DTNA: variants seen among roughly 807,000 people sequenced by gnomAD.
The protein encoded by DTNA is dystrophin-related protein 3.
A neutral mutation model predicts 100.7 loss-of-function variants in DTNA; 43 were observed. That is an observed-to-expected ratio of 0.43 (90% CI 0.33 to 0.55). The LOEUF (loss-of-function observed/expected upper bound fraction) is 0.55, where lower values mean the gene tolerates loss of function less well. Among genes scored for constraint, DTNA ranks in the 20% least tolerant of loss-of-function variants. The pLI, the probability that DTNA is intolerant of heterozygous loss-of-function variation, is 0.04. For missense variants in DTNA, 798 were observed against 953.9 expected (o/e 0.84, Z 2.15); for synonymous variants, 349 against 347.9 (o/e 1.00, Z -0.04).
chr18:34,705,945 T>G (rs1466417250), upstream of DTNA, among the ~76,000 whole-genome samples: 2 of 152,194 alleles, frequency 1.3e-5, no homozygotes, highest in Non-Finnish European at 2.9e-5. Context: ...ATATTCAAAA[T>G]TATTCTGAAT....
chr18:34,531,087 G>A (rs1029241689), intron 1 of DTNA, among the ~76,000 whole-genome samples: 1 of 152,094 alleles, frequency 6.6e-6, no homozygotes, highest in Non-Finnish European at 1.5e-5. Context: ...CAGTCACTTA[G>A]GTCAAGAGAT....
At chr18:34,703,756 A>T (rs1333792799) in intron 1 of DTNA, among the ~76,000 whole-genome samples, 1 of 152,200 alleles carries the variant, frequency 6.6e-6, no homozygotes, top group Non-Finnish European at 1.5e-5. Context: ...CAATTACTAG[A>T]TGGACCTTTT....
chr18:34,753,739 C>T (rs1053983316), intron 1 of DTNA, among the ~76,000 whole-genome samples: 3 of 152,300 alleles, frequency 2.0e-5, no homozygotes, highest in African/African-American at 7.2e-5. Context: ...TCCAGGAACA[C>T]ATCACTTGTT....
intron 1 of DTNA, among the ~76,000 whole-genome samples, chr18:34,603,133 A>G (rs2147248959): frequency 6.6e-6 from 1 of 152,148 alleles, no homozygotes; most frequent in African/African-American, 2.4e-5. Flanking sequence ...AAGAAGGAAC[A>G]CCTGAGCCCA....
Position 34,877,808 on chromosome 18 carries a change from G to T in DTNA, c.1993G>T (p.Glu665Ter). Residue 665 changes from glutamate to a stop codon, truncating the protein, a stop_gained and splice_region_variant, in exon 19 of 23, where the codon GAG becomes TAG. Coordinates refer to ENST00000444659, the MANE Select transcript of DTNA (RefSeq NM_001386795.1). LOFTEE classifies it high-confidence loss of function. ...MSSLVKELNS[E>*]VGSETESNVD... ...CTCTCTTGTGAAAGAGCTGAATTCTGGTGAGTTCCTGATTCCCTCTCATTT... is the reference window on the plus strand; with the variant it reads ...CTCTCTTGTGAAAGAGCTGAATTCTTGTGAGTTCCTGATTCCCTCTCATTT... The T allele has an allele frequency of 6.2e-7, 1 of 1,613,452 alleles. No homozygotes were observed. The highest frequency in any genetic ancestry group is 8.5e-7 in the Non-Finnish European group (1 of 1,179,536).
Position 34,557,245 on chromosome 18 carries a change from T to C in DTNA, c.-2+63731T>C, listed in dbSNP as rs1398580452. Among the ~76,000 whole-genome samples, 116 of 142,670 alleles carry C rather than the reference T, an allele frequency of 8.1e-4. 1 individual carries two copies. Among genetic ancestry groups the C allele is most frequent in the Non-Finnish European group, 1.2e-3 (79 of 65,242 alleles). The allele number at this position is 142,670 out of a possible 152,430, so 93.6% of individuals were successfully genotyped here. On this transcript the variant is annotated intron_variant, in intron 1 of 19. Transcript: ENST00000283365. ...AGCTCCTTTAAGCACTTCTCTGTAT[T>C]GGTTATTCTAGTTATACATTCTTCT...
chr18:34,698,049 T>G (rs965952328), intron 1 of DTNA, among the ~76,000 whole-genome samples: 1 of 152,204 alleles, frequency 6.6e-6, no homozygotes, highest in Non-Finnish European at 1.5e-5. Context: ...TCATCTGCTT[T>G]TCAATGCTCC....
At chr18:34,614,130 T>A (rs959800501) in intron 1 of DTNA, among the ~76,000 whole-genome samples, 1 of 152,226 alleles carries the variant, frequency 6.6e-6, no homozygotes, top group Middle Eastern at 3.2e-3. Flanking sequence ...ATAAATGGAA[T>A]AACAAAGCTT....
chr18:34,723,604 A>C (rs1286715589), intron 1 of DTNA, among the ~76,000 whole-genome samples: 1 of 152,186 alleles, frequency 6.6e-6, no homozygotes, highest in Middle Eastern at 3.2e-3. Flanking sequence ...ACAACTAAAA[A>C]AAGTAAAAAT....
chr18:34,737,610 C>T (rs55959079), intron 1 of DTNA, among the ~76,000 whole-genome samples: 10,263 of 152,238 alleles, frequency 0.067, 403 homozygotes, highest in Non-Finnish European at 0.082. Context: ...CACTTCCAGC[C>T]CTTCCAGGTC....
At chr18:34,879,446 A>T in intron 19 of DTNA, 105 bp from the exon 20 acceptor site, 1 of 1,116,994 alleles carries the variant, frequency 9.0e-7, no homozygotes, top group Non-Finnish European at 1.3e-6. Flanking sequence ...ATAACTGGTT[A>T]ACATTTTACA....
chr18:34,698,994 C>T (rs1035461768), intron 1 of DTNA, among the ~76,000 whole-genome samples: 1 of 150,634 alleles, frequency 6.6e-6, no homozygotes, highest in African/African-American at 2.4e-5. Flanking sequence ...TTAGGGCTCA[C>T]CATAATCTAG....
chr18:34,797,936 C>T (rs2095051554), intron 4 of DTNA, among the ~76,000 whole-genome samples: 2 of 152,206 alleles, frequency 1.3e-5, no homozygotes, highest in African/African-American at 4.8e-5. Flanking sequence ...ATAGCCAACA[C>T]AAGAATGAAT....
In DTNA at chr18:34,604,768, C is replaced by A. The variant is rs554817096; in HGVS notation, c.-2+111254C>A. 2.0e-5 allele frequency among the ~76,000 whole-genome samples: 3 copies of A among 152,198 alleles called. No homozygotes were observed. In the South Asian group the frequency reaches 6.2e-4, roughly 32 times the overall value. On this transcript the variant is annotated intron_variant, in intron 1 of 19. Transcript: ENST00000283365. ...TGTTTAACTTAATGAGGCAGAGGAT[C>A]CTGGTGTGCAAGTTACATTACATTT...
At position 34,890,133 on chromosome 18, in the gene DTNA, A is replaced by G; in HGVS notation, c.*2399A>G. The G allele has an allele frequency of 2.8e-6, 4 of 1,413,614 alleles. No individual in the cohort carries two copies. Among genetic ancestry groups the G allele is most frequent in the Non-Finnish European group, 3.7e-6 (4 of 1,089,188 alleles). The allele number at this position is 1,413,614 out of a possible 1,614,324, so 87.6% of individuals were successfully genotyped here. On this transcript the variant is annotated 3_prime_UTR_variant, in exon 23 of 23. Transcript: ENST00000444659. ...TTCTACATCAAAATGTTCGTCTAAG[A>G]TTTGAACTGTTCTGCTGATAACCTT...
At chr18:34,842,856 G>T (rs1017786133) in intron 13 of DTNA, among the ~76,000 whole-genome samples, 1 of 152,078 alleles carries the variant, frequency 6.6e-6, no homozygotes, top group Non-Finnish European at 1.5e-5. Flanking sequence ...TAGCTGTTTG[G>T]CTGGTTAGCT....
chr18:34,827,800 T>C, intron 10 of DTNA, 124 bp downstream of exon 10: 2 of 984,756 alleles, frequency 2.0e-6, no homozygotes, highest in Admixed American at 3.8e-5. Context: ...AACTTGCAAA[T>C]ATCCATTATA....
intron 17 of DTNA, among the ~76,000 whole-genome samples, chr18:34,870,098 T>C (rs921851038): frequency 6.6e-6 from 1 of 152,246 alleles, no homozygotes; most frequent in Non-Finnish European, 1.5e-5. Context: ...AAGGATCCAT[T>C]TTTTTAAACT....
intron 1 of DTNA, among the ~76,000 whole-genome samples, chr18:34,529,532 A>G (rs986454353): frequency 1.8e-4 from 27 of 152,110 alleles, no homozygotes; most frequent in Non-Finnish European, 2.6e-4. Flanking sequence ...GAATTACACA[A>G]TTCACAGTGT....
Sources: gnomAD v4.1 joint callset for allele counts (sites outside exome capture counted in the v4.1 genomes callset) on GRCh38, gnomAD v4.1.1 for gene constraint, MANE v1.5 for transcripts, NCBI Gene and HGNC (gene_info 2026-07-23, HGNC 2026-07-21) for gene names.